RAD54L2: variants seen among roughly 807,000 people sequenced by gnomAD.
RAD54L2 encodes helicase ARIP4.
Under a neutral mutation model 138.4 loss-of-function variants are expected in RAD54L2, and 27 were observed. The ratio of observed to expected loss-of-function variants is 0.20; its 90% CI spans 0.14 to 0.27. The LOEUF is 0.27. Ranked by LOEUF, RAD54L2 falls within the 10% of genes least tolerant of loss-of-function variation. The pLI, the probability that RAD54L2 is intolerant of heterozygous loss-of-function variation, is 1.00. For missense variants in RAD54L2, 1,396 were observed against 1,890.2 expected (o/e 0.74, Z 4.85); for synonymous variants, 644 against 723.2 (o/e 0.89, Z 1.76).
intron 2 of RAD54L2, among the ~76,000 whole-genome samples, chr3:51,558,898 C>T (rs749050880): frequency 2.0e-4 from 30 of 152,052 alleles, no homozygotes; most frequent in Admixed American, 4.6e-4. Context: ...ATTTTTGAGA[C>T]GGAGTCTCAC....
chr3:51,659,980 G>C, intron 21 of RAD54L2, 46 bp from the exon 22 acceptor site: 1 of 1,459,930 alleles, frequency 6.8e-7, no homozygotes, highest in Non-Finnish European at 9.4e-7. Context: ...AGGGTTGGCT[G>C]TATTATATGT....
At chr3:51,558,830 A>G (rs1057294672) in intron 2 of RAD54L2, among the ~76,000 whole-genome samples, 2 of 152,082 alleles carry the variant, frequency 1.3e-5, no homozygotes, top group Non-Finnish European at 2.9e-5. Context: ...TATAGTCAAT[A>G]CATTCCTTAA....
At position 51,662,934 on chromosome 3, in the gene RAD54L2, C is replaced by G. The variant is rs1467349405; in HGVS notation, c.3918C>G (p.Thr1306=). ...CCGTCTCCTTAAACCATAACCTCAC[C>G]ACCCCCTTCACCTCCCAGGCTGGGG... ...MPPVSLNHNL[T]TPFTSQAGEN... The change falls in exon 23 of 23, where the codon ACC becomes ACG. Residue 1306 remains threonine (T), a synonymous_variant. Coordinates refer to ENST00000684192, the MANE Select transcript of RAD54L2 (RefSeq NM_015106.4). The surrounding 1 kb of genome is among the most constrained non-coding windows in gnomAD (Gnocchi z 4.6). The G allele has an allele frequency of 6.2e-7, 1 of 1,613,810 alleles. No homozygotes were observed. Among genetic ancestry groups the G allele is most frequent in the South Asian group, 1.1e-5 (1 of 91,042 alleles).
chr3:51,540,436 T>C (rs560379081), intron 1 of RAD54L2, among the ~76,000 whole-genome samples: 1 of 152,362 alleles, frequency 6.6e-6, no homozygotes, highest in East Asian at 1.9e-4. Flanking sequence ...TGTGACAATC[T>C]ATATCATTGA....
In RAD54L2 at chr3:51,641,814, C is replaced by G. The variant is rs780709945; in HGVS notation, c.2297C>G (p.Pro766Arg). 1.4e-5 allele frequency: 23 copies of G among 1,600,252 alleles called. No homozygotes were observed. The highest frequency in any genetic ancestry group is 2.0e-5 in the Non-Finnish European group (23 of 1,173,150). ...GGAAAACGAGAAGTACCCTGTCCACCTGGTACCGAGGGGCAAGGAGCACAG... is the reference window on the plus strand; with the variant it reads ...GGAAAACGAGAAGTACCCTGTCCACGTGGTACCGAGGGGCAAGGAGCACAG... ...FLGKREVPCP[P>R]GTEGQGAQKW... The change falls in exon 15 of 23, where the codon CCT (proline) becomes CGT (arginine). Residue 766 changes from proline (P) to arginine (R), a missense_variant. Around this residue, in one of 7 missense-constraint regions of RAD54L2, gnomAD observed 211 missense variants for 273.8 expected, o/e 0.77. Transcript: ENST00000684192.
At chr3:51,586,492 A>G (rs1377490585) in intron 2 of RAD54L2, among the ~76,000 whole-genome samples, 1 of 150,558 alleles carries the variant, frequency 6.6e-6, no homozygotes, top group Non-Finnish European at 1.5e-5. Context: ...AATGACAGGC[A>G]TTCAGGTTGC....
At chr3:51,600,088 A>G (rs1700048067) in intron 3 of RAD54L2, among the ~76,000 whole-genome samples, 2 of 152,046 alleles carry the variant, frequency 1.3e-5, no homozygotes, top group Admixed American at 1.3e-4. Flanking sequence ...ACCTGCTACC[A>G]TGCCTGGCTA....
chr3:51,582,652 C>T lies in RAD54L2; in HGVS notation c.-54-7715C>T, dbSNP rs111606225. Among the ~76,000 whole-genome samples the T allele has an allele frequency of 5.0e-3, 760 of 152,100 alleles. 4 individuals are homozygous for T. Among genetic ancestry groups the T allele is most frequent in the African/African-American group, 0.017 (707 of 41,480 alleles). On this transcript the variant is annotated intron_variant, in intron 2 of 22. Coordinates refer to ENST00000684192, the MANE Select transcript of RAD54L2 (RefSeq NM_015106.4). Reference sequence around the variant, plus strand: ...AGGAAACGAACCTTTCATTTGCTCCCCTCAGAATGGCCTTCTAGAACTTTG... The same window carrying T: ...AGGAAACGAACCTTTCATTTGCTCCTCTCAGAATGGCCTTCTAGAACTTTG...
At chr3:51,603,019 A>G (rs1013851613) in intron 3 of RAD54L2, among the ~76,000 whole-genome samples, 2 of 151,716 alleles carry the variant, frequency 1.3e-5, no homozygotes, top group Non-Finnish European at 2.9e-5. Flanking sequence ...TTTTGTAGAG[A>G]GGCTGGGCCT....
chr3:51,564,929 A>G (rs1406211460), intron 2 of RAD54L2, among the ~76,000 whole-genome samples: 1 of 152,164 alleles, frequency 6.6e-6, no homozygotes, highest in Non-Finnish European at 1.5e-5. Context: ...TTTGAAGATC[A>G]TATGTTTGAT....
At chr3:51,602,321 CTG>C (rs1193083758) in intron 3 of RAD54L2, among the ~76,000 whole-genome samples, 1 of 152,132 alleles carries the variant, frequency 6.6e-6, no homozygotes, top group Non-Finnish European at 1.5e-5. Context: ...TAGGATAAAA[CTG>C]AGAATAGAAC....
intron 21 of RAD54L2, among the ~76,000 whole-genome samples, chr3:51,659,291 G>C (rs1041928355): frequency 3.9e-5 from 6 of 152,048 alleles, no homozygotes; most frequent in Middle Eastern, 6.8e-3. Context: ...ATTTTTAGTA[G>C]AGATGGGGTT....
At chr3:51,639,702 A>G in intron 13 of RAD54L2, 32 bp downstream of exon 13, 1 of 1,609,592 alleles carries the variant, frequency 6.2e-7, no homozygotes, top group Non-Finnish European at 8.5e-7. Flanking sequence ...GGAACCATAA[A>G]CTATTGCTGA....
intron 3 of RAD54L2, among the ~76,000 whole-genome samples, chr3:51,620,495 T>C (rs1700547127): frequency 6.7e-6 from 1 of 149,812 alleles, no homozygotes; most frequent in Admixed American, 6.8e-5. Flanking sequence ...GTCTCAGGAG[T>C]TCAGTTCATC....
At chr3:51,589,645 C>T (rs1310452099) in intron 2 of RAD54L2, among the ~76,000 whole-genome samples, 1 of 151,088 alleles carries the variant, frequency 6.6e-6, no homozygotes, top group East Asian at 2.0e-4. Flanking sequence ...GTTAAACCAT[C>T]GCAGGTTGGG....
At chr3:51,546,293 A>C (rs1698691140) in intron 2 of RAD54L2, among the ~76,000 whole-genome samples, 1 of 152,132 alleles carries the variant, frequency 6.6e-6, no homozygotes, top group African/African-American at 2.4e-5. Context: ...AAAAAATAAA[A>C]GCATGAAAAG....
intron 3 of RAD54L2, among the ~76,000 whole-genome samples, chr3:51,593,701 A>T (rs889416508): frequency 6.6e-6 from 1 of 152,322 alleles, no homozygotes; most frequent in South Asian, 2.1e-4. Flanking sequence ...ATTGTTTGTC[A>T]TAGTTTACAC....
At chr3:51,591,142 C>T (rs1020118612) in intron 3 of RAD54L2, among the ~76,000 whole-genome samples, 2 of 152,158 alleles carry the variant, frequency 1.3e-5, no homozygotes, top group Admixed American at 1.3e-4. Context: ...TGGTAGATCC[C>T]CTTTTGATGC....
chr3:51,630,423 C>A, intron 6 of RAD54L2, 35 bp downstream of exon 6: 2 of 1,560,200 alleles, frequency 1.3e-6, no homozygotes, highest in Non-Finnish European at 1.8e-6. Context: ...TTTCTTCCGA[C>A]CTGGTGTTCA....
Sources: gnomAD v4.1 joint callset for allele counts (sites outside exome capture counted in the v4.1 genomes callset) on GRCh38, gnomAD v4.1.1 for gene constraint, gnomAD v4.1.1 regional missense constraint, Gnocchi (gnomAD v3.1) non-coding constraint, MANE v1.5 for transcripts, NCBI Gene and HGNC (gene_info 2026-07-23, HGNC 2026-07-21) for gene names.